DCC: variants seen among roughly 807,000 people sequenced by gnomAD.
DCC encodes DCC netrin 1 receptor.
In DCC, 58 loss-of-function variants were observed where a neutral mutation model predicts 172.5. That is an observed-to-expected ratio of 0.34 (90% confidence interval 0.27 to 0.42). The LOEUF (loss-of-function observed/expected upper bound fraction) is 0.42, where lower values mean the gene tolerates loss of function less well. DCC is among the 10% of genes least tolerant of loss of function. The pLI is 1.00. For synonymous variants in DCC, 709 were observed against 644.5 expected (o/e 1.10, Z -1.52); for missense variants, 1,740 against 1,791.0 (o/e 0.97, Z 0.51).
intron 2 of DCC, among the ~76,000 whole-genome samples, chr18:52,867,282 A>G (rs1330707798): frequency 2.6e-5 from 4 of 152,196 alleles, no homozygotes; most frequent in Non-Finnish European, 5.9e-5. Context: ...TTGGTTTGCC[A>G]GTATTTTATT....
chr18:53,100,067 C>T (rs191627134), intron 7 of DCC, among the ~76,000 whole-genome samples: 1 of 151,652 alleles, frequency 6.6e-6, no homozygotes, highest in Non-Finnish European at 1.5e-5. Flanking sequence ...CTGCATCAGC[C>T]TCCCAAGTAG....
At chr18:52,905,111 G>GTATGCATGGTGATGCATACAAGCATGTA (rs2039862225) in intron 2 of DCC, among the ~76,000 whole-genome samples, 1 of 152,028 alleles carries the variant, frequency 6.6e-6, no homozygotes, top group Non-Finnish European at 1.5e-5. Context: ...GCTTATGCTT[G>GTATGCATGGTGATGCATACAAGCATGTA]TATGCATGGT....
intron 2 of DCC, among the ~76,000 whole-genome samples, chr18:52,817,550 GTATT>G (rs2038323446): frequency 6.6e-6 from 1 of 152,010 alleles, no homozygotes; most frequent in Non-Finnish European, 1.5e-5. Context: ...GGCTTGAAAA[GTATT>G]TGAGAATTAT....
intron 16 of DCC, among the ~76,000 whole-genome samples, chr18:53,388,803 G>T (rs1908350725): frequency 6.6e-6 from 1 of 151,886 alleles, no homozygotes. Context: ...CATTTTTTTT[G>T]AGATAGGGTC....
At chr18:53,283,785 CTTGT>C (rs1311097829) in intron 12 of DCC, among the ~76,000 whole-genome samples, 1 of 152,202 alleles carries the variant, frequency 6.6e-6, no homozygotes, top group East Asian at 1.9e-4. Context: ...ATGATTATCA[CTTGT>C]TTGTCATTTA....
Position 53,093,772 on chromosome 18 carries a change from G to C in DCC, c.1261+27606G>C, listed in dbSNP as rs920908225. On this transcript the variant is annotated intron_variant, in intron 7 of 28. Transcript: ENST00000442544. ...TTTTTATTTTCTCCTTGGCTGCTGG[G>C]AGTAGCCTGAGCAGCGCAGACACTA... is the stretch of plus-strand genomic sequence containing the variant. Among the ~76,000 whole-genome samples the C allele has an allele frequency of 2.6e-5, 4 of 152,134 alleles. No individual in the cohort carries two copies. In the East Asian group the frequency reaches 7.7e-4, roughly 29 times the overall value.
chr18:53,094,288 G>C (rs1392180889), intron 7 of DCC, among the ~76,000 whole-genome samples: 1 of 152,112 alleles, frequency 6.6e-6, no homozygotes. Flanking sequence ...TGTCCCAACT[G>C]GGAAGAAGGA....
intron 5 of DCC, among the ~76,000 whole-genome samples, chr18:53,051,405 T>C (rs1237369967): frequency 6.6e-6 from 1 of 152,170 alleles, no homozygotes; most frequent in African/African-American, 2.4e-5. Flanking sequence ...TTTATAATGA[T>C]GGAATTCTTT....
chr18:53,305,848 G>A (rs2057194010), intron 13 of DCC, 129 bp downstream of exon 13: 3 of 886,856 alleles, frequency 3.4e-6, no homozygotes, highest in Non-Finnish European at 5.6e-6. Context: ...TCTATTGGCT[G>A]GAACAAGAAC....
chr18:52,513,351 CT>C (rs1210008048), intron 1 of DCC, among the ~76,000 whole-genome samples: 1 of 152,130 alleles, frequency 6.6e-6, no homozygotes, highest in Non-Finnish European at 1.5e-5. Context: ...GATCTTAGAT[CT>C]ATAACCTAAT....
At chr18:53,427,845 A>G (rs913811430) in intron 21 of DCC, among the ~76,000 whole-genome samples, 3 of 126,836 alleles carry the variant, frequency 2.4e-5, no homozygotes, top group African/African-American at 8.7e-5. Flanking sequence ...TATAATATAT[A>G]TATTTCTTTT....
At chr18:53,132,051 A>ACT (rs539160068) in intron 7 of DCC, among the ~76,000 whole-genome samples, 76 of 144,354 alleles carry the variant, frequency 5.3e-4, no homozygotes, top group South Asian at 2.6e-3. Flanking sequence ...AGCAGATAGC[A>ACT]AGCTTTTTAG....
chr18:52,812,301 CT>C (rs2038216601), intron 2 of DCC, among the ~76,000 whole-genome samples: 2 of 152,068 alleles, frequency 1.3e-5, no homozygotes, highest in Admixed American at 1.3e-4. Context: ...GTTATTTTCC[CT>C]TTCCAATGAT....
At chr18:53,319,435 A>G (rs2057382249) in intron 13 of DCC, among the ~76,000 whole-genome samples, 1 of 152,106 alleles carries the variant, frequency 6.6e-6, no homozygotes, top group South Asian at 2.1e-4. Flanking sequence ...GAGAAAATGG[A>G]AAGAAAGAAG....
At chr18:53,307,891 GTGTATGTATATATATATATATATATA>G (rs1183645851) in intron 13 of DCC, among the ~76,000 whole-genome samples, 55 of 48,008 alleles carry the variant, frequency 1.1e-3, no homozygotes, top group African/African-American at 2.8e-3. Context: ...AGCAATGTGT[GTGTATGTATATATATATATATATATA>G]TATATATATA....
chr18:53,224,185 C>T (rs2144598988), intron 12 of DCC, among the ~76,000 whole-genome samples: 1 of 152,170 alleles, frequency 6.6e-6, no homozygotes, highest in Admixed American at 6.6e-5. Flanking sequence ...ATTTGAGGAC[C>T]TCATTTAAAT....
At chr18:53,420,745 A>G (rs1910605593) in intron 21 of DCC, among the ~76,000 whole-genome samples, 1 of 152,182 alleles carries the variant, frequency 6.6e-6, no homozygotes, top group Admixed American at 6.6e-5. Context: ...ATTCAAATAT[A>G]ATCATATTGG....
intron 2 of DCC, among the ~76,000 whole-genome samples, chr18:52,789,643 C>T (rs761625655): frequency 7.2e-5 from 11 of 152,224 alleles, no homozygotes; most frequent in South Asian, 2.1e-4. Context: ...TGTGACTTAA[C>T]CATGAGTGTA....
At position 53,391,707 on chromosome 18, in the gene DCC, G is replaced by C. The variant is rs144961254; in HGVS notation, c.2508G>C (p.Ser836=). The change falls in exon 17 of 29, where the codon TCG becomes TCC. Residue 836 remains serine (S), a synonymous_variant. Transcript: ENST00000442544. The stretch of plus-strand genomic sequence containing the variant: ...CTTTGCTTGATGATTTCCCCACCTC[G>C]GTCCCAGATCTCTCCACCCCCATGC... ...YYPLLDDFPT[S]VPDLSTPMLP... 2.2e-4 allele frequency: 357 copies of C among 1,613,926 alleles called. No homozygotes were observed. In the Middle Eastern group the frequency reaches 3.3e-3, roughly 15 times the overall value.
Sources: gnomAD v4.1 joint callset for allele counts (sites outside exome capture counted in the v4.1 genomes callset) on GRCh38, gnomAD v4.1.1 for gene constraint, MANE v1.5 for transcripts, NCBI Gene and HGNC (gene_info 2026-07-23, HGNC 2026-07-21) for gene names.